EPHA3: variants seen among roughly 807,000 people sequenced by gnomAD.
EPHA3 encodes ephrin type-A receptor 3.
In EPHA3, 42 loss-of-function variants were observed where a neutral mutation model predicts 107.1. The ratio of observed to expected loss-of-function variants is 0.39; its 90% CI spans 0.31 to 0.51. The LOEUF (loss-of-function observed/expected upper bound fraction) is 0.51, where lower values mean the gene tolerates loss of function less well. Ranked by LOEUF, EPHA3 falls within the 20% of genes least tolerant of loss-of-function variation. EPHA3 has a pLI of 0.78. For synonymous variants in EPHA3, 461 were observed against 424.8 expected (o/e 1.09, Z -1.05); for missense variants, 1,183 against 1,211.2 (o/e 0.98, Z 0.35).
intron 3 of EPHA3, among the ~76,000 whole-genome samples, chr3:89,248,873 A>G (rs1429538326): frequency 2.0e-5 from 3 of 152,266 alleles, no homozygotes; most frequent in Admixed American, 1.3e-4. Context: ...GCACAGGTCC[A>G]TAACACACAG....
intron 2 of EPHA3, among the ~76,000 whole-genome samples, chr3:89,197,944 C>A (rs1322486882): frequency 6.6e-6 from 1 of 151,894 alleles, no homozygotes; most frequent in Non-Finnish European, 1.5e-5. Flanking sequence ...CCACTGTACT[C>A]CAGCCTGGGT....
intron 3 of EPHA3, among the ~76,000 whole-genome samples, chr3:89,265,406 GA>G (rs34464044): frequency 3.9e-5 from 6 of 152,108 alleles, no homozygotes; most frequent in African/African-American, 1.2e-4. Context: ...TAGTTCTACA[GA>G]AAAAAAGTTA....
At chr3:89,283,640 G>C (rs1027554174) in intron 3 of EPHA3, among the ~76,000 whole-genome samples, 1 of 151,886 alleles carries the variant, frequency 6.6e-6, no homozygotes, top group African/African-American at 2.4e-5. Flanking sequence ...GGCCAAATTA[G>C]GTCAAAAAGA....
At chr3:89,358,657 T>G (rs1708019126) in intron 5 of EPHA3, among the ~76,000 whole-genome samples, 2 of 150,998 alleles carry the variant, frequency 1.3e-5, no homozygotes, top group Admixed American at 1.3e-4. Flanking sequence ...AGCCCCCCAG[T>G]GAAAGAGATT....
chr3:89,346,501 G>T (rs1487596583), intron 5 of EPHA3, among the ~76,000 whole-genome samples: 2 of 148,118 alleles, frequency 1.4e-5, no homozygotes, highest in African/African-American at 4.9e-5. Flanking sequence ...TGGGTTCATT[G>T]TAGATTCTGG....
At chr3:89,385,521 A>G (rs147604208) in intron 5 of EPHA3, among the ~76,000 whole-genome samples, 100 of 152,318 alleles carry the variant, frequency 6.6e-4, no homozygotes, top group Admixed American at 2.1e-3. Context: ...AACTTCTGCC[A>G]TGATTGTAAA....
intron 5 of EPHA3, among the ~76,000 whole-genome samples, chr3:89,377,578 C>T (rs897009830): frequency 6.6e-6 from 1 of 152,130 alleles, no homozygotes; most frequent in African/African-American, 2.4e-5. Context: ...ACGAAACCCA[C>T]TCGTATTTGG....
At chr3:89,320,617 G>A (rs1271637887) in intron 3 of EPHA3, among the ~76,000 whole-genome samples, 1 of 151,606 alleles carries the variant, frequency 6.6e-6, no homozygotes. Flanking sequence ...TAAGCCATGA[G>A]GCTACATGGC....
intron 2 of EPHA3, among the ~76,000 whole-genome samples, chr3:89,204,182 T>C (rs900403891): frequency 1.3e-5 from 2 of 152,206 alleles, no homozygotes; most frequent in Non-Finnish European, 2.9e-5. Context: ...GTTTCCCAGA[T>C]CTTTTCAGTA....
intron 3 of EPHA3, among the ~76,000 whole-genome samples, chr3:89,332,541 C>G (rs1178681152): frequency 6.6e-6 from 1 of 152,152 alleles, no homozygotes; most frequent in South Asian, 2.1e-4. Flanking sequence ...CTGAACGTAG[C>G]CACTTCCAGT....
intron 3 of EPHA3, among the ~76,000 whole-genome samples, chr3:89,271,779 A>T (rs531911114): frequency 6.6e-6 from 1 of 152,146 alleles, no homozygotes; most frequent in Non-Finnish European, 1.5e-5. Flanking sequence ...AGAAATTAAA[A>T]ATAGAAAATG....
Position 89,127,253 on chromosome 3 carries a change from A to T in EPHA3, c.133A>T (p.Ile45Phe), listed in dbSNP as rs1704114496. The T allele has an allele frequency of 6.2e-7, 1 of 1,612,478 alleles. No homozygotes were observed. The change falls in exon 2 of 17, where the codon ATC (isoleucine) becomes TTC (phenylalanine). Residue 45 changes from isoleucine (I) to phenylalanine (F), a missense_variant. Physicochemically the swap from Ile to Phe is conservative, Grantham distance 21 (BLOSUM62 0). Transcript: ENST00000336596. ...SKTIQGELGW[I>F]SYPSHGWEEI... ...AACAATTCAAGGGGAGCTGGGCTGG[A>T]TCTCTTATCCATCACATGGGGTGAG...
chr3:89,401,203 C>T (rs962857209), intron 7 of EPHA3, among the ~76,000 whole-genome samples: 6 of 152,154 alleles, frequency 3.9e-5, no homozygotes, highest in South Asian at 4.1e-4. Flanking sequence ...CACTTTCTGT[C>T]GGACAATTAG....
At chr3:89,147,365 C>T (rs756194145) in intron 2 of EPHA3, among the ~76,000 whole-genome samples, 24 of 151,728 alleles carry the variant, frequency 1.6e-4, no homozygotes, top group Non-Finnish European at 2.5e-4. Flanking sequence ...CCACAGAGTG[C>T]TTTTCTAAAT....
At chr3:89,359,041 A>C (rs1314515440) in intron 5 of EPHA3, among the ~76,000 whole-genome samples, 2 of 151,132 alleles carry the variant, frequency 1.3e-5, no homozygotes, top group African/African-American at 4.8e-5. Flanking sequence ...GATTAAGCTT[A>C]TTGTTATTAG....
intron 2 of EPHA3, among the ~76,000 whole-genome samples, chr3:89,167,441 G>T (rs1252468964): frequency 1.3e-5 from 2 of 151,940 alleles, no homozygotes; most frequent in Non-Finnish European, 2.9e-5. Flanking sequence ...ATGAGAAAAT[G>T]AAGTAGGGAG....
intron 1 of EPHA3, among the ~76,000 whole-genome samples, chr3:89,108,499 C>T (rs1707026105): frequency 6.6e-6 from 1 of 152,092 alleles, no homozygotes; most frequent in Non-Finnish European, 1.5e-5. Context: ...TGTTTAAAGG[C>T]TTATATACAA....
chr3:89,364,941 C>G lies in EPHA3; in HGVS notation c.1306+22851C>G. 1.3e-5 allele frequency among the ~76,000 whole-genome samples: 2 copies of G among 150,812 alleles called. 1 individual carries two copies. The highest frequency in any genetic ancestry group is 3.0e-5 in the Non-Finnish European group (2 of 67,354). ...TTCCTAACAATGAAATTTAATTATT[C>G]AACTTAATTCCAACAATATTTGTTG... On this transcript the variant is annotated intron_variant, in intron 5 of 16. Coordinates refer to ENST00000336596, the MANE Select transcript of EPHA3 (RefSeq NM_005233.6).
At chr3:89,474,660 T>C (rs942319467) in intron 16 of EPHA3, among the ~76,000 whole-genome samples, 21 of 152,212 alleles carry the variant, frequency 1.4e-4, no homozygotes, top group Admixed American at 9.2e-4. Context: ...GGCAGAACAC[T>C]GTTGATAAGA....
Sources: allele counts gnomAD v4.1 joint callset (sites outside exome capture counted in the v4.1 genomes callset), GRCh38; gene constraint gnomAD v4.1.1; transcripts MANE v1.5; gene names NCBI Gene and HGNC (gene_info 2026-07-23, HGNC 2026-07-21).